Variants in ITFG1 observed in about 807,000 individuals in gnomAD.
ITFG1 encodes the protein integrin alpha FG-GAP repeat containing 1, also known as T-cell immunomodulatory protein.
ITFG1 carries 34 observed loss-of-function variants against 81.8 expected under a neutral mutation model. The observed-to-expected ratio is 0.42, with a 90% confidence interval of 0.32 to 0.55. The LOEUF is 0.55. ITFG1 is among the 20% of genes least tolerant of loss of function. The pLI, the probability that ITFG1 is intolerant of heterozygous loss-of-function variation, is 0.17. For synonymous variants in ITFG1, 285 were observed against 270.6 expected, an observed-to-expected ratio of 1.05 and a Z score of -0.52; for missense variants, 672 against 755.4, an observed-to-expected ratio of 0.89 and a Z score of 1.29.
intron 7 of ITFG1, among the ~76,000 whole-genome samples, chr16:47,373,074 A>G (rs1000633131): frequency 6.6e-6 from 1 of 152,160 alleles, no homozygotes; most frequent in Admixed American, 6.5e-5. Flanking sequence ...TAGTTTAGAG[A>G]TCAAAGCTCT....
intron 6 of ITFG1, among the ~76,000 whole-genome samples, chr16:47,383,285 C>T (rs1327253589): frequency 6.6e-6 from 1 of 152,168 alleles, no homozygotes; most frequent in Non-Finnish European, 1.5e-5. Flanking sequence ...TTCCCATCAA[C>T]TTTCATTTAT....
chr16:47,379,579 T>C (rs1293531996), intron 6 of ITFG1, among the ~76,000 whole-genome samples: 1 of 151,674 alleles, frequency 6.6e-6, no homozygotes, highest in African/African-American at 2.4e-5. Context: ...TCCCAGCTAC[T>C]CAGGAGGCTG....
intron 10 of ITFG1, chr16:47,299,662 A>C (rs1401794748): frequency 6.6e-6 from 1 of 152,456 alleles, no homozygotes; most frequent in East Asian, 1.9e-4. Context: ...ATAGCCTAGC[A>C]GGTGGTAGTG....
chr16:47,252,317 C>CA (rs1232416572), intron 12 of ITFG1, among the ~76,000 whole-genome samples: 7 of 151,950 alleles, frequency 4.6e-5, no homozygotes, highest in African/African-American at 1.7e-4. Context: ...CAGAGGCAGG[C>CA]AAGGGGAATA....
chr16:47,323,417 G>T (rs1967479083), intron 8 of ITFG1, among the ~76,000 whole-genome samples: 1 of 152,104 alleles, frequency 6.6e-6, no homozygotes, highest in South Asian at 2.1e-4. Flanking sequence ...TTGATTCTCT[G>T]TGCTGCCTTG....
At chr16:47,438,143 CT>C (rs1360353044) in intron 5 of ITFG1, among the ~76,000 whole-genome samples, 1 of 152,220 alleles carries the variant, frequency 6.6e-6, no homozygotes, top group African/African-American at 2.4e-5. Flanking sequence ...GTAGGGGCGC[CT>C]GCCATTGCTC....
chr16:47,335,418 C>A (rs971148023), intron 8 of ITFG1, among the ~76,000 whole-genome samples: 5 of 151,916 alleles, frequency 3.3e-5, no homozygotes, highest in Admixed American at 2.0e-4. Flanking sequence ...CAACAAAAAA[C>A]CCTACTAAGA....
chr16:47,388,023 C>A (rs556340316), intron 6 of ITFG1, among the ~76,000 whole-genome samples: 1 of 150,444 alleles, frequency 6.6e-6, no homozygotes, highest in South Asian at 2.1e-4. Flanking sequence ...GATAAAAAAC[C>A]AAATGGAAAT....
At chr16:47,452,265 C>T (rs1446073864) in intron 4 of ITFG1, among the ~76,000 whole-genome samples, 1 of 152,092 alleles carries the variant, frequency 6.6e-6, no homozygotes, top group Non-Finnish European at 1.5e-5. Flanking sequence ...CAGAAATTTG[C>T]AAATCCAAAT....
At chr16:47,311,721 A>G (rs1967265623) in intron 9 of ITFG1, among the ~76,000 whole-genome samples, 2 of 152,210 alleles carry the variant, frequency 1.3e-5, no homozygotes, top group South Asian at 4.1e-4. Flanking sequence ...ATCTAGTCAG[A>G]TTACATAATT....
chr16:47,264,274 T>C (rs1342216115), intron 10 of ITFG1, among the ~76,000 whole-genome samples: 3 of 152,028 alleles, frequency 2.0e-5, no homozygotes, highest in Non-Finnish European at 4.4e-5. Flanking sequence ...CTGATACATA[T>C]ATTTTTCTAT....
In ITFG1 at chr16:47,154,549, C is replaced by T. The variant is rs1964674007; in HGVS notation, c.*1170G>A. 6.6e-6 allele frequency: 1 copy of T among 151,948 alleles called. No individual in the cohort carries two copies. Among genetic ancestry groups the T allele is most frequent in the South Asian group, 2.1e-4 (1 of 4,826 alleles). 9.4% of individuals were successfully genotyped at this position (151,948 alleles called of 1,614,324 possible). ...TAGGCATCACATGTCCATTTGCATA[C>T]TAGAAAATTATTAGCATTGATAAAC... On this transcript the variant is annotated 3_prime_UTR_variant, in exon 18 of 18. Transcript: ENST00000320640.
At position 47,302,740 on chromosome 16, in the gene ITFG1, T is replaced by C. The variant is rs146981662; in HGVS notation, c.1070+8500A>G. On this transcript the variant is annotated intron_variant, in intron 10 of 17. Coordinates refer to ENST00000320640, the MANE Select transcript of ITFG1 (RefSeq NM_030790.5). ...TTCTCCGTAATGCACCAGAAGTATA[T>C]GCTTCATTTCACAGATGCAGAAATT... Among the ~76,000 whole-genome samples, 108 of 152,336 alleles carry C rather than the reference T, an allele frequency of 7.1e-4. 1 individual carries two copies. Among genetic ancestry groups the C allele is most frequent in the African/African-American group, 2.4e-3 (98 of 41,584 alleles).
At chr16:47,284,689 G>A (rs925873860) in intron 10 of ITFG1, among the ~76,000 whole-genome samples, 1 of 152,130 alleles carries the variant, frequency 6.6e-6, no homozygotes, top group Non-Finnish European at 1.5e-5. Context: ...GTGCTCCTTA[G>A]AGAGTCAAGA....
chr16:47,260,979 A>G (rs1272821789), intron 10 of ITFG1, among the ~76,000 whole-genome samples: 2 of 152,170 alleles, frequency 1.3e-5, no homozygotes, highest in East Asian at 3.9e-4. Context: ...TTACTACTCT[A>G]TAGTTATTGA....
chr16:47,428,829 A>G lies in ITFG1; in HGVS notation c.630T>C (p.Ile210=). ...CTGCTGTAAAATCTTCAGTCAGATC[A>G]ATAAATGCATGAGAATGTGGAATTC... is the stretch of plus-strand genomic sequence containing the variant. ...KMRIPHSHAF[I]DLTEDFTADL... Residue 210 remains isoleucine, a synonymous_variant, in exon 6 of 18, where the codon ATT becomes ATC. Coordinates refer to ENST00000320640, the MANE Select transcript of ITFG1 (RefSeq NM_030790.5). 6.2e-7 allele frequency: 1 copy of G among 1,610,474 alleles called. No individual in the cohort carries two copies. The highest frequency in any genetic ancestry group is 8.5e-7 in the Non-Finnish European group (1 of 1,177,886).
chr16:47,381,643 T>C (rs746176873), intron 6 of ITFG1, among the ~76,000 whole-genome samples: 1 of 152,150 alleles, frequency 6.6e-6, no homozygotes, highest in Non-Finnish European at 1.5e-5. Flanking sequence ...TAGTATCCAG[T>C]TTCTCTTAGG....
chr16:47,188,310 G>A (rs1965249871), intron 14 of ITFG1, among the ~76,000 whole-genome samples: 1 of 152,000 alleles, frequency 6.6e-6, no homozygotes, highest in South Asian at 2.1e-4. Context: ...AGACACATGT[G>A]CACGTATGTT....
chr16:47,323,612 C>T (rs954909290), intron 8 of ITFG1, among the ~76,000 whole-genome samples: 1 of 152,064 alleles, frequency 6.6e-6, no homozygotes, highest in Admixed American at 6.6e-5. Context: ...AACTACTATA[C>T]CTTGATGATT....
Sources: allele counts gnomAD v4.1 joint callset (sites outside exome capture counted in the v4.1 genomes callset), GRCh38; gene constraint gnomAD v4.1.1; transcripts MANE v1.5; gene names NCBI Gene and HGNC (gene_info 2026-07-23, HGNC 2026-07-21).